The following LINC00237 variants were observed in gnomAD, a reference collection of about 807,000 sequenced individuals.
LINC00237 encodes long independently transcribed non-coding RNA 237, also known as long intergenic non-protein coding RNA 237.
chr20:21,100,487 T>C (rs1318084568), intron 1 of LINC00237, among the ~76,000 whole-genome samples: 1 of 152,278 alleles, frequency 6.6e-6, no homozygotes, highest in African/African-American at 2.4e-5. Context: ...TCTGCGCAAC[T>C]TTCCTCCACC....
At chr20:21,086,695 G>GTA (rs1300235002) in intron 3 of LINC00237, among the ~76,000 whole-genome samples, 70 of 4,210 alleles carry the variant, frequency 0.017, no homozygotes, top group South Asian at 0.024. Context: ...ATATACATAT[G>GTA]TAGTATACTA....
In LINC00237 at chr20:21,086,685, A is replaced by ATATGTATAG. The variant is rs374333750; in HGVS notation, n.560-798_560-797insCTATACATA. ...TAGTATACTATATATAGTATACTAC[A>ATATGTATAG]TATACATATGTAGTATACTATATAT... On this transcript the variant is annotated intron_variant and non_coding_transcript_variant, in intron 3 of 3. Coordinates refer to ENST00000691244, the Ensembl canonical transcript of LINC00237. Among the ~76,000 whole-genome samples the ATATGTATAG allele has an allele frequency of 7.4e-4, 70 of 94,860 alleles. 1 individual carries two copies. Among genetic ancestry groups the ATATGTATAG allele is most frequent in the East Asian group, 1.8e-3 (6 of 3,410 alleles). 62.2% of individuals were successfully genotyped at this position (94,860 alleles called of 152,430 possible).
intron 3 of LINC00237, among the ~76,000 whole-genome samples, chr20:21,087,059 A>C (rs142845460): frequency 8.8e-4 from 128 of 145,884 alleles, no homozygotes; most frequent in African/African-American, 2.7e-3. Context: ...TAGTATACAT[A>C]TATATACACA....
intron 2 of LINC00237, among the ~76,000 whole-genome samples, chr20:21,088,311 T>A (rs1480156506): frequency 6.6e-6 from 1 of 152,184 alleles, no homozygotes; most frequent in African/African-American, 2.4e-5. Context: ...AGAATTCTGG[T>A]TACGTGAGCA....
chr20:21,100,383 C>T (rs1843876297), intron 1 of LINC00237, among the ~76,000 whole-genome samples: 1 of 152,198 alleles, frequency 6.6e-6, no homozygotes, highest in Non-Finnish European at 1.5e-5. Flanking sequence ...ATCGCGCGAG[C>T]CCAGCGTTAG....
intron 3 of LINC00237, chr20:21,087,738 T>C (rs1253338366): frequency 6.6e-6 from 1 of 152,230 alleles, no homozygotes; most frequent in African/African-American, 2.4e-5. Context: ...AACATTTATG[T>C]GCCCAGAACT....
intron 2 of LINC00237, among the ~76,000 whole-genome samples, chr20:21,089,239 T>C (rs936783764): frequency 6.6e-6 from 1 of 151,584 alleles, no homozygotes. Context: ...TTTTGAAAGG[T>C]TGAAATAATT....
intron 2 of LINC00237, among the ~76,000 whole-genome samples, chr20:21,091,514 A>G (rs192317473): frequency 8.5e-5 from 13 of 152,330 alleles, no homozygotes; most frequent in African/African-American, 2.9e-4. Context: ...TCTGCAATGC[A>G]AATGTGACTT....
chr20:21,091,983 C>T (rs2030799518), intron 2 of LINC00237, among the ~76,000 whole-genome samples: 2 of 151,952 alleles, frequency 1.3e-5, no homozygotes, highest in South Asian at 4.2e-4. Context: ...TGTAAAGATA[C>T]TGAGTTCTTT....
intron 2 of LINC00237, among the ~76,000 whole-genome samples, chr20:21,088,755 T>C (rs2030747864): frequency 6.6e-6 from 1 of 152,202 alleles, no homozygotes; most frequent in Non-Finnish European, 1.5e-5. Flanking sequence ...AATAACAGTT[T>C]CTATCTGTTT....
intron 3 of LINC00237, among the ~76,000 whole-genome samples, chr20:21,086,343 T>C (rs2122163048): frequency 6.6e-6 from 1 of 152,038 alleles, no homozygotes. Context: ...GGTAAATCAT[T>C]ACAGACAAGG....
intron 2 of LINC00237, chr20:21,092,723 T>C (rs1057509788): frequency 6.6e-6 from 1 of 152,206 alleles, no homozygotes; most frequent in Non-Finnish European, 1.5e-5. Flanking sequence ...TATTTTCTGA[T>C]GCTGAATAGA....
intron 3 of LINC00237, among the ~76,000 whole-genome samples, chr20:21,087,086 A>G (rs996662231): frequency 1.3e-5 from 2 of 149,596 alleles, no homozygotes; most frequent in Non-Finnish European, 3.0e-5. Flanking sequence ...CCCACACACT[A>G]TATATGTAGA....
At chr20:21,092,725 C>T (rs184597222) in intron 2 of LINC00237, 95 of 152,188 alleles carry the variant, frequency 6.2e-4, no homozygotes, top group African/African-American at 2.2e-3. Context: ...TTTTCTGATG[C>T]TGAATAGAAA....
At chr20:21,093,100 A>C (rs2030813159) in intron 2 of LINC00237, 4 of 152,208 alleles carry the variant, frequency 2.6e-5, no homozygotes, top group Admixed American at 2.6e-4. Context: ...CATTTCCAAG[A>C]ATCCTGTAAA....
At chr20:21,085,641 T>C (rs2030681326) in exon 4 of LINC00237, among the ~76,000 whole-genome samples, 1 of 152,114 alleles carries the variant, frequency 6.6e-6, no homozygotes, top group African/African-American at 2.4e-5. Flanking sequence ...CACTGCTAGA[T>C]AGGAGTGTGG....
chr20:21,101,196 C>T lies in LINC00237; in HGVS notation n.88+5075G>A, dbSNP rs923349112. ...CCATCGGAGGAGAACACGGTTACAG[C>T]CCCTCGGCCGGGAATCCGACAGGGG... On this transcript the variant is annotated intron_variant and non_coding_transcript_variant, in intron 1 of 3. Transcript: ENST00000691244. This position sits in a 1 kb window ranked among gnomAD's most constrained non-coding sequence, Gnocchi z 4.3. Among the ~76,000 whole-genome samples the T allele has an allele frequency of 1.3e-5, 2 of 152,232 alleles. No homozygotes were observed. Among genetic ancestry groups the T allele is most frequent in the East Asian group, 3.9e-4 (2 of 5,192 alleles).
chr20:21,095,885 T>C (rs2030852013), intron 1 of LINC00237, among the ~76,000 whole-genome samples: 1 of 152,160 alleles, frequency 6.6e-6, no homozygotes, highest in Admixed American at 6.5e-5. Context: ...GCCAGCAGAG[T>C]AGCCCTCAGC....
rs41439645 is a variant in LINC00237, at chr20:21,091,889, A to G, written n.472+1580T>C. On this transcript the variant is annotated intron_variant and non_coding_transcript_variant, in intron 2 of 3. Coordinates refer to ENST00000691244, the Ensembl canonical transcript of LINC00237. ...TCTGTATGCACATTCATTTCCAGCAATTTCCCAGATTTCTTTGGTATTTGT... is the reference window on the plus strand; with the variant it reads ...TCTGTATGCACATTCATTTCCAGCAGTTTCCCAGATTTCTTTGGTATTTGT... Among the ~76,000 whole-genome samples, 859 of 152,284 alleles carry G rather than the reference A, an allele frequency of 5.6e-3. 9 individuals are homozygous for G. Among genetic ancestry groups the G allele is most frequent in the African/African-American group, 0.02 (828 of 41,550 alleles).
Sources: gnomAD v4.1 joint callset for allele counts (sites outside exome capture counted in the v4.1 genomes callset) on GRCh38, gnomAD v4.1.1 for gene constraint, Gnocchi (gnomAD v3.1) non-coding constraint, MANE v1.5 for transcripts, NCBI Gene and HGNC (gene_info 2026-07-23, HGNC 2026-07-21) for gene names.